ATRNL1: variants seen among roughly 807,000 people sequenced by gnomAD.
ATRNL1 encodes attractin like 1, also known as attractin-like protein 1.
In ATRNL1, 95 loss-of-function variants were observed where a neutral mutation model predicts 182.7. That is an observed-to-expected ratio of 0.52 (90% CI 0.44 to 0.62). ATRNL1 has a LOEUF of 0.62. ATRNL1 is among the 20% of genes least tolerant of loss of function. ATRNL1 has a pLI of 0.00. For missense variants in ATRNL1, 1,471 were observed against 1,679.5 expected (o/e 0.88, Z 2.17); for synonymous variants, 576 against 568.3 (o/e 1.01, Z -0.19).
chr10:115,128,961 A>G (rs1186435233), intron 4 of ATRNL1, among the ~76,000 whole-genome samples: 4 of 152,126 alleles, frequency 2.6e-5, no homozygotes, highest in Non-Finnish European at 5.9e-5. Context: ...TATAGTTTTG[A>G]ATTTTCATGA....
chr10:115,169,206 CTTTTTTTT>C (rs781950574), intron 7 of ATRNL1, among the ~76,000 whole-genome samples: 2 of 125,978 alleles, frequency 1.6e-5, no homozygotes, highest in Non-Finnish European at 3.4e-5. Context: ...GTTTTGATTA[CTTTTTTTT>C]TTTTTTTTTT....
intron 27 of ATRNL1, among the ~76,000 whole-genome samples, chr10:115,764,495 C>T (rs971739199): frequency 6.6e-6 from 1 of 152,078 alleles, no homozygotes; most frequent in African/African-American, 2.4e-5. Context: ...TCCCACCAAC[C>T]CCTGGCAAAC....
intron 24 of ATRNL1, among the ~76,000 whole-genome samples, chr10:115,502,818 A>G (rs1004484391): frequency 2.6e-5 from 4 of 152,122 alleles, no homozygotes; most frequent in Non-Finnish European, 5.9e-5. Flanking sequence ...AGTGCAGCAA[A>G]TCACCATGGC....
intron 28 of ATRNL1, among the ~76,000 whole-genome samples, chr10:115,902,860 C>G (rs538772130): frequency 7.9e-5 from 12 of 152,210 alleles, no homozygotes; most frequent in African/African-American, 2.9e-4. Flanking sequence ...AGACCTGCTT[C>G]TGGAGGCAGA....
chr10:115,140,879 C>T (rs1420903754), intron 5 of ATRNL1, among the ~76,000 whole-genome samples: 1 of 152,114 alleles, frequency 6.6e-6, no homozygotes, highest in Non-Finnish European at 1.5e-5. Flanking sequence ...GTAACTTACT[C>T]CAGTTTCTCA....
At chr10:115,253,433 C>T (rs1380123535) in intron 10 of ATRNL1, among the ~76,000 whole-genome samples, 2 of 152,120 alleles carry the variant, frequency 1.3e-5, no homozygotes, top group Non-Finnish European at 2.9e-5. Flanking sequence ...TGACTCTTCA[C>T]TGACAGCACT....
intron 20 of ATRNL1, among the ~76,000 whole-genome samples, chr10:115,409,575 ATTGCTCTGGCTGGGACT>A: frequency 6.6e-6 from 1 of 152,078 alleles, no homozygotes; most frequent in Non-Finnish European, 1.5e-5. Flanking sequence ...TTCTTGCCCA[ATTGCTCTGGCTGGGACT>A]TTCAACACTA....
intron 27 of ATRNL1, among the ~76,000 whole-genome samples, chr10:115,816,132 T>C (rs1028113648): frequency 1.2e-4 from 18 of 152,170 alleles, no homozygotes; most frequent in African/African-American, 4.1e-4. Flanking sequence ...ATTCAGCAAG[T>C]GCAGATGTTA....
intron 9 of ATRNL1, among the ~76,000 whole-genome samples, chr10:115,238,338 G>T (rs1255757330): frequency 1.3e-5 from 2 of 152,144 alleles, no homozygotes; most frequent in Admixed American, 1.3e-4. Flanking sequence ...ATATCAAGCT[G>T]GGAAGAACTG....
At chr10:115,744,187 G>A (rs556245503) in intron 27 of ATRNL1, among the ~76,000 whole-genome samples, 17 of 152,070 alleles carry the variant, frequency 1.1e-4, no homozygotes, top group Admixed American at 3.9e-4. Flanking sequence ...TAGAAACTAC[G>A]TTCACAAAAT....
rs183551334 is a variant in ATRNL1 at position 115,781,878 on chromosome 10, G to A, written c.3903+54523G>A. On this transcript the variant is annotated intron_variant, in intron 27 of 28. Transcript: ENST00000355044. ...TAATCTTTCTCCACGGGCTGAAATC[G>A]GCCAGATTGGGTAATTATGGTCAGC... Among the ~76,000 whole-genome samples, 14 of 152,122 alleles carry A rather than the reference G, an allele frequency of 9.2e-5. No individual in the cohort carries two copies. The East Asian group carries it at 1.2e-3, about 13-fold the overall frequency.
intron 28 of ATRNL1, among the ~76,000 whole-genome samples, chr10:115,944,263 T>C (rs1953816781): frequency 7.7e-6 from 1 of 129,942 alleles, no homozygotes; most frequent in African/African-American, 2.9e-5. Flanking sequence ...TTTAAAAATC[T>C]TAACATGACT....
chr10:115,631,607 A>T (rs1359338285), intron 26 of ATRNL1, among the ~76,000 whole-genome samples: 2 of 152,220 alleles, frequency 1.3e-5, no homozygotes, highest in African/African-American at 4.8e-5. Flanking sequence ...TAATTATATA[A>T]GCACATAATT....
intron 8 of ATRNL1, among the ~76,000 whole-genome samples, chr10:115,187,933 G>T (rs1848012398): frequency 6.6e-6 from 1 of 151,534 alleles, no homozygotes. Context: ...ACCCACCTCG[G>T]TCTCCCAAAG....
chr10:115,573,468 G>A (rs1854527395), intron 26 of ATRNL1, among the ~76,000 whole-genome samples: 1 of 152,038 alleles, frequency 6.6e-6, no homozygotes, highest in Non-Finnish European at 1.5e-5. Flanking sequence ...GCTGGGGGTA[G>A]GATAGGGAGT....
At chr10:115,484,945 A>T (rs1848949782) in intron 24 of ATRNL1, among the ~76,000 whole-genome samples, 1 of 151,850 alleles carries the variant, frequency 6.6e-6, no homozygotes, top group Non-Finnish European at 1.5e-5. Flanking sequence ...TTAATTATGA[A>T]ATTGAGAGAA....
intron 1 of ATRNL1, among the ~76,000 whole-genome samples, chr10:115,104,678 C>G (rs1230641158): frequency 6.6e-6 from 1 of 152,050 alleles, no homozygotes; most frequent in Non-Finnish European, 1.5e-5. Context: ...AGTTTGAGGT[C>G]TTAGATTTCT....
At chr10:115,164,940 A>G (rs782070622) in intron 6 of ATRNL1, among the ~76,000 whole-genome samples, 2 of 152,126 alleles carry the variant, frequency 1.3e-5, no homozygotes, top group Non-Finnish European at 2.9e-5. Context: ...TTAACAATTT[A>G]TTGTATATTT....
At chr10:115,685,311 A>G (rs1208180970) in intron 26 of ATRNL1, among the ~76,000 whole-genome samples, 1 of 151,750 alleles carries the variant, frequency 6.6e-6, no homozygotes, top group East Asian at 1.9e-4. Flanking sequence ...CAACTCTGCC[A>G]TGTACTACTT....
Sources: gnomAD v4.1 joint callset for allele counts (sites outside exome capture counted in the v4.1 genomes callset) on GRCh38, gnomAD v4.1.1 for gene constraint, MANE v1.5 for transcripts, NCBI Gene and HGNC (gene_info 2026-07-23, HGNC 2026-07-21) for gene names.